Variants in NFATC3 observed in about 807,000 individuals in gnomAD.
NFATC3 encodes nuclear factor of activated T-cells, cytoplasmic 3.
Under a neutral mutation model 98.6 loss-of-function variants are expected in NFATC3, and 46 were observed. The ratio of observed to expected loss-of-function variants is 0.47; its 90% CI spans 0.37 to 0.60. NFATC3 has a LOEUF of 0.60. NFATC3 is among the 20% of genes least tolerant of loss of function. The pLI is 0.00. For synonymous variants in NFATC3, 512 were observed against 472.2 expected (o/e 1.08, Z -1.09); for missense variants, 1,256 against 1,295.5 (o/e 0.97, Z 0.47).
At chr16:68,123,746 T>C (rs2036673514) in intron 2 of NFATC3, among the ~76,000 whole-genome samples, 1 of 151,994 alleles carries the variant, frequency 6.6e-6, no homozygotes, top group African/African-American at 2.4e-5. Flanking sequence ...ATGCCTGTAA[T>C]CCCAACACTT....
chr16:68,225,833 T>G (rs1244576092), intron 9 of NFATC3: 1 of 152,206 alleles, frequency 6.6e-6, no homozygotes, highest in African/African-American at 2.4e-5. Flanking sequence ...CCTGAGATGC[T>G]TAGGACATCA....
At chr16:68,140,648 A>AT (rs553123270) in intron 3 of NFATC3, among the ~76,000 whole-genome samples, 6,070 of 148,834 alleles carry the variant, frequency 0.041, 365 homozygotes, top group African/African-American at 0.13. Flanking sequence ...ATGATCATGG[A>AT]TTTTTTTTTT....
intron 5 of NFATC3, among the ~76,000 whole-genome samples, chr16:68,171,299 G>A (rs2039447963): frequency 6.6e-6 from 1 of 151,900 alleles, no homozygotes. Flanking sequence ...GTGAGCCAAC[G>A]CACCCAGCCT....
At chr16:68,119,806 T>A (rs775997518) in intron 1 of NFATC3, among the ~76,000 whole-genome samples, 2 of 152,204 alleles carry the variant, frequency 1.3e-5, no homozygotes, top group Non-Finnish European at 2.9e-5. Context: ...GAGGGGATTT[T>A]GTTTTGTTTA....
chr16:68,133,545 T>C (rs770344488), intron 3 of NFATC3, among the ~76,000 whole-genome samples: 2 of 152,164 alleles, frequency 1.3e-5, no homozygotes, highest in Non-Finnish European at 2.9e-5. Flanking sequence ...CAGGTTAACA[T>C]GTAGAATATT....
intron 8 of NFATC3, among the ~76,000 whole-genome samples, chr16:68,188,283 G>A (rs1000237702): frequency 5.9e-5 from 9 of 152,184 alleles, no homozygotes; most frequent in South Asian, 2.1e-4. Flanking sequence ...AGCAGCCATC[G>A]TTTGAGTGGC....
intron 1 of NFATC3, among the ~76,000 whole-genome samples, chr16:68,116,566 CT>C (rs2036288526): frequency 1.3e-5 from 2 of 152,266 alleles, no homozygotes; most frequent in South Asian, 4.2e-4. Flanking sequence ...GTAGTAGCTG[CT>C]TATATCATTT....
chr16:68,209,028 C>A (rs1011568036), intron 9 of NFATC3, among the ~76,000 whole-genome samples: 1 of 152,060 alleles, frequency 6.6e-6, no homozygotes, highest in African/African-American at 2.4e-5. Flanking sequence ...TAGTGGTAGG[C>A]TAGTAGAAGT....
intron 9 of NFATC3, chr16:68,212,462 C>G (rs1402691318): frequency 6.6e-6 from 1 of 152,102 alleles, no homozygotes; most frequent in African/African-American, 2.4e-5. Flanking sequence ...AGAATAATTC[C>G]TTATAGGCAA....
At chr16:68,116,377 A>G (rs1214364222) in intron 1 of NFATC3, among the ~76,000 whole-genome samples, 2 of 152,122 alleles carry the variant, frequency 1.3e-5, no homozygotes, top group East Asian at 3.9e-4. Context: ...ACTATACATA[A>G]AAACATTCAT....
At chr16:68,158,174 C>T in intron 4 of NFATC3, 106 bp downstream of exon 4, 1 of 708,044 alleles carries the variant, frequency 1.4e-6, no homozygotes, top group South Asian at 2.4e-5. Flanking sequence ...TTCTAAATGG[C>T]ATTATGTAAA....
chr16:68,207,203 G>A (rs566101237), intron 9 of NFATC3, among the ~76,000 whole-genome samples: 9 of 151,544 alleles, frequency 5.9e-5, no homozygotes, highest in Non-Finnish European at 1.2e-4. Context: ...TCAGCTACTC[G>A]GAAGACTGAG....
chr16:68,091,215 A>T (rs1192442225), intron 1 of NFATC3, among the ~76,000 whole-genome samples: 1 of 152,228 alleles, frequency 6.6e-6, no homozygotes, highest in Admixed American at 6.5e-5. Context: ...TATAAAAGTT[A>T]AAACTTGGGT....
chr16:68,174,675 A>C (rs2039606630), intron 6 of NFATC3, among the ~76,000 whole-genome samples, 161 bp downstream of exon 6: 1 of 152,224 alleles, frequency 6.6e-6, no homozygotes, highest in Non-Finnish European at 1.5e-5. Flanking sequence ...TTAAATTTTC[A>C]TATAAATGTT....
intron 3 of NFATC3, among the ~76,000 whole-genome samples, chr16:68,143,188 T>C (rs1598435339): frequency 7.7e-6 from 1 of 129,324 alleles, no homozygotes; most frequent in South Asian, 2.3e-4. Context: ...CACTGTAGCC[T>C]GGGAAACAGC....
chr16:68,165,134 C>T (rs1275172056), intron 4 of NFATC3, among the ~76,000 whole-genome samples: 1 of 152,040 alleles, frequency 6.6e-6, no homozygotes, highest in Non-Finnish European at 1.5e-5. Flanking sequence ...CCTGAAGACC[C>T]ATGTTGGCAT....
rs781135601 is a variant in NFATC3 at position 68,191,052 on chromosome 16, A to C, written c.2383A>C (p.Thr795Pro). 1.9e-6 allele frequency: 3 copies of C among 1,614,158 alleles called. No individual in the cohort carries two copies. The highest frequency in any genetic ancestry group is 1.7e-6 in the Non-Finnish European group (2 of 1,180,034). The change falls in exon 9 of 10, where the codon ACA (threonine) becomes CCA (proline). Residue 795 changes from threonine to proline, a missense_variant. Coordinates refer to ENST00000346183, the MANE Select transcript of NFATC3 (RefSeq NM_173165.3). ...IVHQPFQVTP[T>P]PPVGSSYQPM... ...ACACCAGCCTTTTCAAGTCACACCA[A>C]CACCTCCTGTGGGGTCTTCCTATCA...
At chr16:68,186,260 C>G (rs2040196303) in intron 8 of NFATC3, among the ~76,000 whole-genome samples, 1 of 151,354 alleles carries the variant, frequency 6.6e-6, no homozygotes, top group Non-Finnish European at 1.5e-5. Flanking sequence ...TTAAAACATT[C>G]AAATTCTTGG....
chr16:68,218,923 AC>A (rs2041746196), intron 9 of NFATC3, among the ~76,000 whole-genome samples: 1 of 152,040 alleles, frequency 6.6e-6, no homozygotes, highest in Non-Finnish European at 1.5e-5. Context: ...TTTTTAAAAT[AC>A]ATTTAGTCTT....
Sources: allele counts gnomAD v4.1 joint callset (sites outside exome capture counted in the v4.1 genomes callset), GRCh38; gene constraint gnomAD v4.1.1; transcripts MANE v1.5; gene names NCBI Gene and HGNC (gene_info 2026-07-23, HGNC 2026-07-21).